The following TULP4 variants were observed in gnomAD, a reference collection of about 807,000 sequenced individuals.
TULP4 encodes tubby-related protein 4.
A neutral mutation model predicts 129.0 loss-of-function variants in TULP4; 16 were observed. The ratio of observed to expected loss-of-function variants is 0.12; its 90% CI spans 0.08 to 0.19. The LOEUF (loss-of-function observed/expected upper bound fraction) is 0.19, where lower values mean the gene tolerates loss of function less well. TULP4 is among the 10% of genes least tolerant of loss of function. The pLI is 1.00. For missense variants in TULP4, 1,842 were observed against 2,059.1 expected, an observed-to-expected ratio of 0.89 and a Z score of 2.04; for synonymous variants, 998 against 854.0, an observed-to-expected ratio of 1.17 and a Z score of -2.94.
At chr6:158,368,066 CAA>C (rs3085241) in intron 1 of TULP4, among the ~76,000 whole-genome samples, 8 of 65,010 alleles carry the variant, frequency 1.2e-4, no homozygotes, top group South Asian at 6.9e-4. Flanking sequence ...ACCCTGTCTC[CAA>C]AAAAAAAAAA....
rs1362917959 is a variant in TULP4 at position 158,509,803 on chromosome 6, C to T, written c.*3109C>T. On this transcript the variant is annotated 3_prime_UTR_variant, in exon 14 of 14. Coordinates refer to ENST00000367097, the MANE Select transcript of TULP4 (RefSeq NM_020245.5). The stretch of plus-strand genomic sequence containing the variant: ...CCTCCTGCGCCAAGGCAGACACAAG[C>T]TGCGGGCTGTGCGGTCCTAGTAGTG... 1.3e-5 allele frequency: 2 copies of T among 152,248 alleles called. No individual in the cohort carries two copies. The highest frequency in any genetic ancestry group is 2.9e-5 in the Non-Finnish European group (2 of 68,056). 9.4% of individuals were successfully genotyped at this position (152,248 alleles called of 1,614,324 possible). A position where few individuals can be genotyped will look rare whatever the true frequency, so the allele number is the denominator to read the frequency against.
At chr6:158,405,598 G>A (rs1014648594) in intron 1 of TULP4, among the ~76,000 whole-genome samples, 6 of 150,840 alleles carry the variant, frequency 4.0e-5, no homozygotes, top group African/African-American at 1.5e-4. Context: ...GGGAGAGCAA[G>A]GAGCAAGGAG....
intron 1 of TULP4, among the ~76,000 whole-genome samples, chr6:158,252,222 A>T (rs188203835): frequency 6.6e-6 from 1 of 151,648 alleles, no homozygotes; most frequent in African/African-American, 2.4e-5. Context: ...ACATATTTTG[A>T]TGTGTAAAAG....
chr6:158,270,007 A>G (rs1277918153), intron 1 of TULP4, among the ~76,000 whole-genome samples: 1 of 152,252 alleles, frequency 6.6e-6, no homozygotes, highest in Non-Finnish European at 1.5e-5. Flanking sequence ...AGTTTTTGAA[A>G]AGGCTAATTG....
chr6:158,400,554 A>G (rs1777818895), intron 1 of TULP4, among the ~76,000 whole-genome samples: 2 of 152,048 alleles, frequency 1.3e-5, no homozygotes, highest in South Asian at 4.1e-4. Flanking sequence ...GTCAGATCTG[A>G]TCAGATCATC....
At chr6:158,344,729 G>A (rs1007150608) in intron 1 of TULP4, among the ~76,000 whole-genome samples, 1 of 152,170 alleles carries the variant, frequency 6.6e-6, no homozygotes, top group East Asian at 1.9e-4. Context: ...AATTATGCCA[G>A]TGAATAACCC....
intron 3 of TULP4, 73 bp downstream of exon 3, chr6:158,429,970 G>T: frequency 7.0e-7 from 1 of 1,419,096 alleles, no homozygotes; most frequent in Non-Finnish European, 9.4e-7. Context: ...AGGGGCAGGA[G>T]AGGGGAGCTG....
At chr6:158,496,757 T>C (rs531023057) in intron 11 of TULP4, among the ~76,000 whole-genome samples, 5 of 152,374 alleles carry the variant, frequency 3.3e-5, no homozygotes, top group Admixed American at 1.3e-4. Flanking sequence ...ATGGGTCTTT[T>C]CATTCTTGGA....
At position 158,507,615 on chromosome 6, in the gene TULP4, C is replaced by T. The variant is rs1780635137; in HGVS notation, c.*921C>T. On this transcript the variant is annotated 3_prime_UTR_variant, in exon 14 of 14. Transcript: ENST00000367097. ...TTTTCTCAAATAATGTGGTGACAGT[C>T]ACTAGATCCTCACATGCTGAGAAAC... is the stretch of plus-strand genomic sequence containing the variant. 6.6e-6 allele frequency: 1 copy of T among 152,192 alleles called. No homozygotes were observed. Among genetic ancestry groups the T allele is most frequent in the South Asian group, 2.1e-4 (1 of 4,828 alleles). The allele number at this position is 152,192 out of a possible 1,614,324, so 9.4% of individuals were successfully genotyped here.
Position 158,307,381 on chromosome 6 carries a change from A to G in TULP4, n.117-4670A>G, listed in dbSNP as rs1170416431. Among the ~76,000 whole-genome samples the G allele has an allele frequency of 3.9e-5, 6 of 152,236 alleles. No homozygotes were observed. The South Asian group carries it at 1.2e-3, about 32-fold the overall frequency. ...ACCACACTAAAATTCAACAAGTGGTAGTTTCTCAAAGGTTAGTTGCAATGT... is the reference window on the plus strand; with the variant it reads ...ACCACACTAAAATTCAACAAGTGGTGGTTTCTCAAAGGTTAGTTGCAATGT... On this transcript the variant is annotated intron_variant and non_coding_transcript_variant, in intron 1 of 1. Transcript: ENST00000432358.
intron 11 of TULP4, among the ~76,000 whole-genome samples, chr6:158,496,532 A>G (rs1780342023): frequency 1.3e-5 from 2 of 152,252 alleles, no homozygotes; most frequent in South Asian, 4.1e-4. Flanking sequence ...TAATGCAAAT[A>G]AATCTCTCAT....
chr6:158,316,747 T>A (rs1300484322), intron 1 of TULP4, among the ~76,000 whole-genome samples: 1 of 152,194 alleles, frequency 6.6e-6, no homozygotes, highest in East Asian at 1.9e-4. Context: ...TCTCCCAGGC[T>A]GGGAAACGTG....
At chr6:158,420,414 G>A (rs879938296) in intron 2 of TULP4, among the ~76,000 whole-genome samples, 16 of 152,154 alleles carry the variant, frequency 1.1e-4, no homozygotes, top group South Asian at 2.1e-4. Context: ...TATAGACCAC[G>A]ATCTCTGAAC....
intron 1 of TULP4, among the ~76,000 whole-genome samples, chr6:158,401,808 C>CTT (rs555418286): frequency 2.7e-5 from 4 of 147,146 alleles, no homozygotes; most frequent in African/African-American, 1.0e-4. Flanking sequence ...CACCTCCTCA[C>CTT]TTTTTTTTTT....
intron 1 of TULP4, among the ~76,000 whole-genome samples, chr6:158,375,390 A>G (rs1777160521): frequency 6.6e-6 from 1 of 152,238 alleles, no homozygotes; most frequent in African/African-American, 2.4e-5. Flanking sequence ...CACTGTGAAT[A>G]AAACGATAAA....
At chr6:158,355,908 G>GTACAT (rs1380915081) in intron 1 of TULP4, among the ~76,000 whole-genome samples, 2 of 152,212 alleles carry the variant, frequency 1.3e-5, no homozygotes, top group African/African-American at 4.8e-5. Flanking sequence ...ACCACACATA[G>GTACAT]TACATTATTT....
chr6:158,295,748 G>A (rs6932298), intron 1 of TULP4, among the ~76,000 whole-genome samples: 26,379 of 151,966 alleles, frequency 0.17, 2,686 homozygotes, highest in Middle Eastern at 0.24. Flanking sequence ...AAAATTAGCC[G>A]GGCCTGGTGG....
chr6:158,367,987 G>A (rs1002700931), intron 1 of TULP4, among the ~76,000 whole-genome samples: 2 of 147,786 alleles, frequency 1.4e-5, no homozygotes, highest in Admixed American at 1.4e-4. Flanking sequence ...CCAGCTACTC[G>A]GGAGGCGAGG....
At chr6:158,380,384 C>G (rs1436175364) in intron 1 of TULP4, among the ~76,000 whole-genome samples, 1 of 152,164 alleles carries the variant, frequency 6.6e-6, no homozygotes, top group African/African-American at 2.4e-5. Flanking sequence ...CAGCCATGTC[C>G]TCAGTAGCTC....
Sources: allele counts gnomAD v4.1 joint callset (sites outside exome capture counted in the v4.1 genomes callset), GRCh38; gene constraint gnomAD v4.1.1; transcripts MANE v1.5; gene names NCBI Gene and HGNC (gene_info 2026-07-23, HGNC 2026-07-21).